The following EBF2 variants were observed in gnomAD, a reference collection of about 807,000 sequenced individuals.
EBF2 encodes EBF transcription factor 2, also known as transcription factor COE2.
Under a neutral mutation model 72.8 loss-of-function variants are expected in EBF2, and 21 were observed. The ratio of observed to expected loss-of-function variants is 0.29; its 90% CI spans 0.20 to 0.42. The LOEUF is 0.42. Among genes scored for constraint, EBF2 ranks in the 10% least tolerant of loss-of-function variants. The pLI, the probability that EBF2 is intolerant of heterozygous loss-of-function variation, is 1.00. For synonymous variants in EBF2, 299 were observed against 274.2 expected, an observed-to-expected ratio of 1.09 and a Z score of -0.89; for missense variants, 637 against 731.2, an observed-to-expected ratio of 0.87 and a Z score of 1.49.
intron 6 of EBF2, among the ~76,000 whole-genome samples, chr8:26,013,599 C>T (rs2117236784): frequency 6.6e-6 from 1 of 152,078 alleles, no homozygotes; most frequent in South Asian, 2.1e-4. Flanking sequence ...TTTCAGGTAC[C>T]CCCAAATAGC....
chr8:25,859,130 A>C (rs930571987), intron 13 of EBF2, among the ~76,000 whole-genome samples: 9 of 152,214 alleles, frequency 5.9e-5, no homozygotes, highest in Non-Finnish European at 1.2e-4. Flanking sequence ...ACTGGAGTCC[A>C]GTGAGATATG....
At chr8:26,014,661 C>T (rs573500494) in intron 6 of EBF2, among the ~76,000 whole-genome samples, 41 of 152,312 alleles carry the variant, frequency 2.7e-4, no homozygotes, top group African/African-American at 9.6e-4. Context: ...TTGTCATGAT[C>T]CCAGCATAGA....
At chr8:25,908,619 C>T in intron 6 of EBF2, 64 bp from the exon 7 acceptor site, 1 of 1,074,794 alleles carries the variant, frequency 9.3e-7, no homozygotes, top group Non-Finnish European at 1.4e-6. Flanking sequence ...AATATAGCTG[C>T]ATTCCATTAG....
chr8:25,977,482 C>G (rs1179111949), intron 6 of EBF2, among the ~76,000 whole-genome samples: 1 of 152,140 alleles, frequency 6.6e-6, no homozygotes, highest in Non-Finnish European at 1.5e-5. Context: ...ATTTTCCAAG[C>G]CACAAAACCC....
chr8:26,024,758 C>CT (rs975991079), intron 6 of EBF2, among the ~76,000 whole-genome samples: 4 of 152,128 alleles, frequency 2.6e-5, no homozygotes, highest in African/African-American at 7.2e-5. Context: ...ATTGCCCTGA[C>CT]TTTTTTTAAA....
At chr8:25,966,295 G>A (rs1585210524) in intron 6 of EBF2, among the ~76,000 whole-genome samples, 1 of 152,158 alleles carries the variant, frequency 6.6e-6, no homozygotes, top group Admixed American at 6.5e-5. Flanking sequence ...GGCATAAGTC[G>A]CTCAACCCTG....
At chr8:25,852,815 C>G (rs550291071) in intron 14 of EBF2, among the ~76,000 whole-genome samples, 1 of 152,172 alleles carries the variant, frequency 6.6e-6, no homozygotes, top group Non-Finnish European at 1.5e-5. Flanking sequence ...TTGTGCATTT[C>G]GGCAAACACA....
At chr8:25,884,540 T>G (rs1289139587) in intron 10 of EBF2, among the ~76,000 whole-genome samples, 1 of 152,146 alleles carries the variant, frequency 6.6e-6, no homozygotes, top group Non-Finnish European at 1.5e-5. Flanking sequence ...CTATCTGAAA[T>G]TATATCACTT....
At chr8:25,953,802 G>A (rs911978475) in intron 6 of EBF2, among the ~76,000 whole-genome samples, 1 of 152,170 alleles carries the variant, frequency 6.6e-6, no homozygotes, top group Non-Finnish European at 1.5e-5. Flanking sequence ...CCTAGTTAGG[G>A]CAACATCACA....
chr8:25,864,400 A>C (rs1802265186), intron 10 of EBF2, among the ~76,000 whole-genome samples: 1 of 152,092 alleles, frequency 6.6e-6, no homozygotes, highest in South Asian at 2.1e-4. Flanking sequence ...TGAGATTTTT[A>C]ATACTGTGGT....
chr8:25,943,473 G>A (rs1803714458), intron 6 of EBF2, among the ~76,000 whole-genome samples: 1 of 152,090 alleles, frequency 6.6e-6, no homozygotes, highest in African/African-American at 2.4e-5. Context: ...TCATGCCACT[G>A]CACTCCAGTC....
At position 26,042,204 on chromosome 8, in the gene EBF2, T is replaced by C. The variant is rs1176509360; in HGVS notation, c.179A>G (p.Asn60Ser). Residue 60 changes from asparagine (N) to serine (S), a missense_variant, in exon 2 of 16, where the codon AAC (asparagine) becomes AGC (serine). By Grantham distance (46) the Asn-to-Ser change is conservative. Around this residue, in one of 3 missense-constraint regions of EBF2, gnomAD observed 174 missense variants for 161.9 expected, o/e 1.07. Coordinates refer to ENST00000520164, the MANE Select transcript of EBF2 (RefSeq NM_022659.4). ...RAHFEKQPPSNLRKSNFFHFV... is the reference protein window; with the variant it reads ...RAHFEKQPPSSLRKSNFFHFV... ...GTGAAAGAAGTTGGATTTCCTCAAG[T>C]TGGAAGGAGGCTGTTTCTCAAAGTG... 1 of 1,614,056 alleles carries C rather than the reference T, an allele frequency of 6.2e-7. No homozygotes were observed. Among genetic ancestry groups the C allele is most frequent in the South Asian group, 1.1e-5 (1 of 91,074 alleles).
Position 26,045,334 on chromosome 8 carries a change from G to A in EBF2, c.-475C>T, listed in dbSNP as rs1476736711. 1 of 152,246 alleles carries A rather than the reference G, an allele frequency of 6.6e-6. No homozygotes were observed. Among genetic ancestry groups the A allele is most frequent in the Non-Finnish European group, 1.5e-5 (1 of 68,160 alleles). 9.4% of individuals were successfully genotyped at this position (152,246 alleles called of 1,614,324 possible). A position where few individuals can be genotyped will look rare whatever the true frequency, so the allele number is the denominator to read the frequency against. On this transcript the variant is annotated 5_prime_UTR_variant, in exon 1 of 16. Transcript: ENST00000520164. Reference sequence around the variant, plus strand: ...AAAAAGAAGGGGAAGACCTGGAGCCGAGAGGAGGCGGTGGCTGCGAGCGCC... The same window carrying A: ...AAAAAGAAGGGGAAGACCTGGAGCCAAGAGGAGGCGGTGGCTGCGAGCGCC...
chr8:25,997,834 G>T (rs538044849), intron 6 of EBF2, among the ~76,000 whole-genome samples: 3 of 152,130 alleles, frequency 2.0e-5, no homozygotes, highest in Non-Finnish European at 2.9e-5. Context: ...AGCAATGTTG[G>T]TTCAAATAGC....
intron 7 of EBF2, among the ~76,000 whole-genome samples, chr8:25,895,685 A>C (rs1478837974): frequency 2.0e-5 from 3 of 152,166 alleles, no homozygotes; most frequent in Admixed American, 6.5e-5. Flanking sequence ...GCAGGAGCTG[A>C]GTTGTAAAGG....
At position 25,992,024 on chromosome 8, in the gene EBF2, TC is replaced by T. The variant is rs568367595; in HGVS notation, c.551+41060del. Among the ~76,000 whole-genome samples the T allele has an allele frequency of 2.7e-3, 408 of 152,170 alleles. 1 individual carries two copies. Among genetic ancestry groups the T allele is most frequent in the Admixed American group, 6.9e-3 (105 of 15,286 alleles). On this transcript the variant is annotated intron_variant, in intron 6 of 15. Transcript: ENST00000520164. ...TGGATACAGGTATCAATATGATGAA[TC>T]TTTTTTTGTTTGTTTTTTGTTTTTA...
intron 6 of EBF2, among the ~76,000 whole-genome samples, chr8:26,002,848 A>AGGCAGGCGGGCAGGCG (rs879832077): frequency 8.1e-6 from 1 of 123,720 alleles, no homozygotes; most frequent in Non-Finnish European, 1.9e-5. Flanking sequence ...GCAGGCAGGC[A>AGGCAGGCGGGCAGGCG]GGCAGGCGGG....
chr8:25,992,627 G>A (rs377654974), intron 6 of EBF2, among the ~76,000 whole-genome samples: 3 of 152,182 alleles, frequency 2.0e-5, no homozygotes, highest in Non-Finnish European at 4.4e-5. Flanking sequence ...GGCCAGGCAT[G>A]GTGGGTGGCT....
intron 9 of EBF2, 64 bp from the exon 10 acceptor site, chr8:25,886,945 G>T (rs1802699856): frequency 1.3e-6 from 2 of 1,556,020 alleles, no homozygotes; most frequent in Admixed American, 1.9e-5. Context: ...AGGACATAAG[G>T]TGTACAACAT....
Sources: allele counts gnomAD v4.1 joint callset (sites outside exome capture counted in the v4.1 genomes callset), GRCh38; gene constraint gnomAD v4.1.1; regional missense constraint gnomAD v4.1.1; transcripts MANE v1.5; gene names NCBI Gene and HGNC (gene_info 2026-07-23, HGNC 2026-07-21).